The following CAD variants were observed in gnomAD, a reference collection of about 807,000 sequenced individuals.
CAD encodes the protein carbamoyl-phosphate synthetase 2, aspartate transcarbamylase, and dihydroorotase.
In CAD, 81 loss-of-function variants were observed where a neutral mutation model predicts 237.2. The ratio of observed to expected loss-of-function variants is 0.34; its 90% CI spans 0.29 to 0.41. CAD has a LOEUF of 0.41. Ranked by LOEUF, CAD falls within the 10% of genes least tolerant of loss-of-function variation. CAD has a pLI of 1.00. For synonymous variants in CAD, 1,196 were observed against 1,162.8 expected, an observed-to-expected ratio of 1.03 and a Z score of -0.58; for missense variants, 2,181 against 2,951.7, an observed-to-expected ratio of 0.74 and a Z score of 6.05.
chr2:27,238,113 G>C lies in CAD; in HGVS notation c.4786G>C (p.Val1596Leu), dbSNP rs140521510. Reference sequence around the variant, plus strand: ...TGTGGCTCACGCAGAGCAGCAAACCGTGGCTGCTGTCCTCATGGTGGCTCA... The same window carrying C: ...TGTGGCTCACGCAGAGCAGCAAACCCTGGCTGCTGTCCTCATGGTGGCTCA... ...PIVAHAEQQT[V>L]AAVLMVAQLT... Residue 1596 changes from valine (V) to leucine (L), a missense_variant, in exon 30 of 44, where the codon GTG becomes CTG. Coordinates refer to ENST00000264705, the MANE Select transcript of CAD (RefSeq NM_004341.5). The C allele has an allele frequency of 2.5e-6, 4 of 1,614,166 alleles. No individual in the cohort carries two copies. In the Admixed American group the frequency reaches 6.7e-5, roughly 27 times the overall value.
chr2:27,224,274 G>T, intron 8 of CAD, 71 bp from the exon 9 acceptor site: 1 of 1,545,200 alleles, frequency 6.5e-7, no homozygotes. Flanking sequence ...CTGAAAGCGA[G>T]GGAGCTAATC....
Position 27,236,151 on chromosome 2 carries a change from C to A in CAD, c.4075-133C>A, listed in dbSNP as rs978685014. 3.5e-6 allele frequency: 4 copies of A among 1,135,808 alleles called. No individual in the cohort carries two copies. The East Asian group carries it at 7.2e-5, about 21-fold the overall frequency. 70.4% of individuals were successfully genotyped at this position (1,135,808 alleles called of 1,614,324 possible). On this transcript the variant is annotated intron_variant, in intron 25 of 43. Transcript: ENST00000264705. This position sits in a 1 kb window ranked among gnomAD's most constrained non-coding sequence, Gnocchi z 4.1. ...ACACTTTGCCAGTATCAAATAGAGGCAGCCCTCAGTGCCCACCCTATGGGT... is the reference window on the plus strand; with the variant it reads ...ACACTTTGCCAGTATCAAATAGAGGAAGCCCTCAGTGCCCACCCTATGGGT...
chr2:27,226,563 C>T lies in CAD; in HGVS notation c.2070C>T (p.Ser690=). ...AAGTGAATGCCAGGCTCTCTCGCAGCTCTGCCCTGGCCAGTAAGGCCACAG... is the reference window on the plus strand; with the variant it reads ...AAGTGAATGCCAGGCTCTCTCGCAGTTCTGCCCTGGCCAGTAAGGCCACAG... ...IIEVNARLSR[S]SALASKATGY... Residue 690 remains serine (S), a synonymous_variant, in exon 14 of 44, where the codon AGC becomes AGT. Coordinates refer to ENST00000264705, the MANE Select transcript of CAD (RefSeq NM_004341.5). 1 of 1,614,180 alleles carries T rather than the reference C, an allele frequency of 6.2e-7. No individual in the cohort carries two copies. The highest frequency in any genetic ancestry group is 2.2e-5 in the East Asian group (1 of 44,886).
chr2:27,231,205 A>G (rs1340581804), intron 15 of CAD, among the ~76,000 whole-genome samples: 2 of 152,102 alleles, frequency 1.3e-5, no homozygotes, highest in Non-Finnish European at 2.9e-5. Flanking sequence ...ACGGGGTTTC[A>G]CCATGTTAGC....
rs1191262627 is a variant in CAD, at chr2:27,217,460, C to T, written c.-92C>T. 2.6e-6 allele frequency: 3 copies of T among 1,135,160 alleles called. No individual in the cohort carries two copies. The highest frequency in any genetic ancestry group is 1.3e-5 in the South Asian group (1 of 75,772). The allele number at this position is 1,135,160 out of a possible 1,614,324, so 70.3% of individuals were successfully genotyped here. Reference sequence around the variant, plus strand: ...GCCCCGCGCCGTTAGCCACGTGGACCGACTCCGGCGCGCCGTCCTCACGTG... The same window carrying T: ...GCCCCGCGCCGTTAGCCACGTGGACTGACTCCGGCGCGCCGTCCTCACGTG... On this transcript the variant is annotated 5_prime_UTR_variant, in exon 1 of 44. Transcript: ENST00000264705.
intron 15 of CAD, among the ~76,000 whole-genome samples, chr2:27,230,921 A>T (rs1211516704): frequency 6.6e-6 from 1 of 152,250 alleles, no homozygotes; most frequent in Non-Finnish European, 1.5e-5. Flanking sequence ...TTGATTCCAT[A>T]TTCATCAATA....
At chr2:27,224,629 G>A in intron 9 of CAD, 116 bp from the exon 10 acceptor site, 9 of 1,539,538 alleles carry the variant, frequency 5.8e-6, no homozygotes, top group Non-Finnish European at 8.0e-6. Flanking sequence ...AGAAATAGAA[G>A]TCAATTATTA....
chr2:27,238,162 T>C lies in CAD; in HGVS notation c.4835T>C (p.Ile1612Thr). ...CAGCTCACTCAGCGCTCAGTGCACA[T>C]ATGTCACGTGGCACGGAAGGAGGAG... The part of the protein sequence containing the change: ...VAQLTQRSVH[I>T]CHVARKEEIL... The change falls in exon 30 of 44, where the codon ATA (isoleucine) becomes ACA (threonine). Residue 1612 changes from isoleucine to threonine, a missense_variant. Coordinates refer to ENST00000264705, the MANE Select transcript of CAD (RefSeq NM_004341.5). 1 of 1,614,080 alleles carries C rather than the reference T, an allele frequency of 6.2e-7. No homozygotes were observed. The highest frequency in any genetic ancestry group is 8.5e-7 in the Non-Finnish European group (1 of 1,180,020).
At position 27,239,513 on chromosome 2, in the gene CAD, C is replaced by G; in HGVS notation, c.5394+42C>G. Reference sequence around the variant, plus strand: ...TGCCTGATCTCAGTAGTGCCCTCTTCTGCACCACGTTCATTTCTTCCCTTC... The same window carrying G: ...TGCCTGATCTCAGTAGTGCCCTCTTGTGCACCACGTTCATTTCTTCCCTTC... On this transcript the variant is annotated intron_variant, in intron 33 of 43. Transcript: ENST00000264705. This position sits in a 1 kb window ranked among gnomAD's most constrained non-coding sequence, Gnocchi z 4.0. 6.2e-7 allele frequency: 1 copy of G among 1,601,092 alleles called. No individual in the cohort carries two copies. The highest frequency in any genetic ancestry group is 8.5e-7 in the Non-Finnish European group (1 of 1,170,264).
intron 6 of CAD, 103 bp downstream of exon 6, chr2:27,223,140 G>GC (rs1006572173): frequency 3.9e-5 from 49 of 1,272,682 alleles, no homozygotes; most frequent in Non-Finnish European, 5.2e-5. Flanking sequence ...TGAAATAGGA[G>GC]CGGGGGGGTT....
At chr2:27,225,495 G>A (rs944021291) in intron 11 of CAD, among the ~76,000 whole-genome samples, 8 of 151,654 alleles carry the variant, frequency 5.3e-5, no homozygotes, top group South Asian at 4.2e-4. Context: ...TAGTAGAGAC[G>A]GGGTTTCTCC....
In CAD at chr2:27,240,500, A is replaced by G. The variant is rs1676263653; in HGVS notation, c.5593+139A>G. 2.0e-6 allele frequency: 3 copies of G among 1,524,604 alleles called. No homozygotes were observed. Among genetic ancestry groups the G allele is most frequent in the East Asian group, 2.4e-5 (1 of 41,170 alleles). The allele number at this position is 1,524,604 out of a possible 1,614,324, so 94.4% of individuals were successfully genotyped here. A position where few individuals can be genotyped will look rare whatever the true frequency, so the allele number is the denominator to read the frequency against. On this transcript the variant is annotated intron_variant, in intron 35 of 43. Transcript: ENST00000264705. The surrounding 1 kb of genome is among the most constrained non-coding windows in gnomAD (Gnocchi z 4.6). Reference sequence around the variant, plus strand: ...TGATCTGCCGTGCCATCCTTTGCCTAAACAAGTCTCCCCGGTGTGAGTAGA... The same window carrying G: ...TGATCTGCCGTGCCATCCTTTGCCTGAACAAGTCTCCCCGGTGTGAGTAGA...
chr2:27,222,403 G>C (rs1160581306), intron 4 of CAD, 67 bp downstream of exon 4: 1 of 1,584,886 alleles, frequency 6.3e-7, no homozygotes, highest in African/African-American at 1.3e-5. Context: ...CCACAATTGG[G>C]GGGTGAACAC....
At position 27,242,567 on chromosome 2, in the gene CAD, T is replaced by A. The variant is rs1572455292; in HGVS notation, c.6223-53T>A. Reference sequence around the variant, plus strand: ...GAGGCTTTTAAAAGCTTGGAAATGATGTCGGGGGGCACTCAGTCTGGGATC... The same window carrying A: ...GAGGCTTTTAAAAGCTTGGAAATGAAGTCGGGGGGCACTCAGTCTGGGATC... On this transcript the variant is annotated intron_variant, in intron 40 of 43. Transcript: ENST00000264705. The surrounding 1 kb of genome is among the most constrained non-coding windows in gnomAD (Gnocchi z 6.4). The A allele has an allele frequency of 6.4e-7, 1 of 1,560,510 alleles. No homozygotes were observed. Among genetic ancestry groups the A allele is most frequent in the South Asian group, 1.2e-5 (1 of 82,770 alleles).
rs773995834 is a variant in CAD at position 27,241,284 on chromosome 2, G to C, written c.5809-38G>C. On this transcript the variant is annotated intron_variant, in intron 37 of 43. Coordinates refer to ENST00000264705, the MANE Select transcript of CAD (RefSeq NM_004341.5). The surrounding 1 kb of genome is among the most constrained non-coding windows in gnomAD (Gnocchi z 4.6). Reference sequence around the variant, plus strand: ...GAGCTTTGAGGATTTGGAAAGCTGGGGCTAGGACCTTTCTAGCTAACTTGG... The same window carrying C: ...GAGCTTTGAGGATTTGGAAAGCTGGCGCTAGGACCTTTCTAGCTAACTTGG... 1.9e-6 allele frequency: 3 copies of C among 1,613,988 alleles called. No individual in the cohort carries two copies. Among genetic ancestry groups the C allele is most frequent in the Non-Finnish European group, 2.5e-6 (3 of 1,179,908 alleles).
chr2:27,236,439 C>T lies in CAD; in HGVS notation c.4230C>T (p.Thr1410=), dbSNP rs147653891. Residue 1410 remains threonine, a synonymous_variant, in exon 26 of 44, where the codon ACC becomes ACT. Transcript: ENST00000264705. The surrounding 1 kb of genome is among the most constrained non-coding windows in gnomAD (Gnocchi z 4.1). ...AGGRRLSSFV[T]KGYRTRRLAA... ...GCCGGCGTCTCTCTTCCTTTGTCAC[C>T]AAGGGCTACCGCACCCGACGCTTGG... 1.0e-3 allele frequency: 1,687 copies of T among 1,614,184 alleles called. 2 individuals carry two copies. Among genetic ancestry groups the T allele is most frequent in the Non-Finnish European group, 1.3e-3 (1,546 of 1,180,036 alleles).
Position 27,242,973 on chromosome 2 carries a change from T to C in CAD, c.6480T>C (p.Ala2160=). The C allele has an allele frequency of 6.3e-7, 1 of 1,593,318 alleles. No individual in the cohort carries two copies. Among genetic ancestry groups the C allele is most frequent in the Non-Finnish European group, 8.6e-7 (1 of 1,165,582 alleles). The change falls in exon 42 of 44, where the codon GCT becomes GCC. Residue 2160 remains alanine, a splice_region_variant and synonymous_variant. Coordinates refer to ENST00000264705, the MANE Select transcript of CAD (RefSeq NM_004341.5). This position sits in a 1 kb window ranked among gnomAD's most constrained non-coding sequence, Gnocchi z 6.4. ...ERFGSTQEYE[A]CFGQFILTPH... The stretch of plus-strand genomic sequence containing the variant: ...TTGGCTCTACCCAGGAGTACGAAGC[T>C]GTGAGTGCTGGGCTTGAGGAAGAAG...
In CAD at chr2:27,235,913, CT is replaced by C. The variant is rs1449065957; in HGVS notation, c.4074+277del. On this transcript the variant is annotated intron_variant, in intron 25 of 43. Coordinates refer to ENST00000264705, the MANE Select transcript of CAD (RefSeq NM_004341.5). The surrounding 1 kb of genome is among the most constrained non-coding windows in gnomAD (Gnocchi z 5.2). ...CAAAGAATTATCTCCTATTCCCCTG[CT>C]TTTATTATTACCATTATACTAGTAA... 2.1e-6 allele frequency: 1 copy of C among 480,338 alleles called. No homozygotes were observed. The highest frequency in any genetic ancestry group is 2.0e-5 in the African/African-American group (1 of 51,218). 29.8% of individuals were successfully genotyped at this position (480,338 alleles called of 1,614,324 possible).
rs758644598 is a variant in CAD, at chr2:27,223,913, A to G, written c.996-4A>G. ...TGGTTTTCATGATGCAATCTCTTCA[A>G]TAGTGTCCAGTTTCACCCAGAGCAC... On this transcript the variant is annotated splice_region_variant and splice_polypyrimidine_tract_variant and intron_variant, in intron 7 of 43. Coordinates refer to ENST00000264705, the MANE Select transcript of CAD (RefSeq NM_004341.5). 7.5e-6 allele frequency: 12 copies of G among 1,607,088 alleles called. No homozygotes were observed. The highest frequency in any genetic ancestry group is 4.5e-5 in the East Asian group (2 of 44,854).
Sources: allele counts gnomAD v4.1 joint callset (sites outside exome capture counted in the v4.1 genomes callset), GRCh38; gene constraint gnomAD v4.1.1; non-coding constraint Gnocchi (gnomAD v3.1); transcripts MANE v1.5; gene names NCBI Gene and HGNC (gene_info 2026-07-23, HGNC 2026-07-21).